Variants in OR56A3 observed in about 807,000 individuals in gnomAD.
The protein encoded by OR56A3 is olfactory receptor 56A3.
OR56A3 carries 23 observed loss-of-function variants against 17.5 expected under a neutral mutation model. The ratio of observed to expected loss-of-function variants is 1.32; its 90% CI spans 0.95 to 1.87. The LOEUF is 1.87. OR56A3 is among the 40% of genes most tolerant of loss of function. OR56A3 has a pLI of 0.00. For synonymous variants in OR56A3, 175 were observed against 150.6 expected, an observed-to-expected ratio of 1.16 and a Z score of -1.19; for missense variants, 366 against 380.1, an observed-to-expected ratio of 0.96 and a Z score of 0.31.
the OR56A3 span, among the ~76,000 whole-genome samples, chr11:5,988,925 C>G: frequency 6.6e-5 from 10 of 152,102 alleles, no homozygotes; most frequent in African/African-American, 2.2e-4. Context: ...TGCACATGTG[C>G]GTGTAAAGAT....
downstream of OR56A3, among the ~76,000 whole-genome samples, chr11:5,955,250 A>G (rs1016762263): frequency 1.3e-5 from 2 of 152,232 alleles, no homozygotes; most frequent in Non-Finnish European, 2.9e-5. Context: ...AAAAAGATTA[A>G]AATCAAGACT....
downstream of OR56A3, among the ~76,000 whole-genome samples, chr11:5,953,405 A>G (rs1471681022): frequency 2.0e-5 from 3 of 152,090 alleles, no homozygotes; most frequent in African/African-American, 7.2e-5. Flanking sequence ...ATGATTACTG[A>G]TGTTGAGCAT....
chr11:5,956,378 T>C, the OR56A3 span, among the ~76,000 whole-genome samples: 15 of 152,242 alleles, frequency 9.9e-5, no homozygotes, highest in East Asian at 2.7e-3. Context: ...TCTCTAGGTG[T>C]AGATCTGAGC....
the OR56A3 span, among the ~76,000 whole-genome samples, chr11:5,998,562 A>G: frequency 6.6e-6 from 1 of 152,318 alleles, no homozygotes; most frequent in East Asian, 1.9e-4. Context: ...GTAATAACCG[A>G]CCAGTTTTTC....
chr11:5,996,551 T>G, the OR56A3 span, among the ~76,000 whole-genome samples: 2 of 151,162 alleles, frequency 1.3e-5, no homozygotes, highest in South Asian at 2.1e-4. Context: ...AGTAAAGAAC[T>G]CCAAAATTTC....
At chr11:5,985,703 G>A in the OR56A3 span, among the ~76,000 whole-genome samples, 1,258 of 152,316 alleles carry the variant, frequency 8.3e-3, 10 homozygotes, top group African/African-American at 0.029. Flanking sequence ...ACAAGGAGTA[G>A]AGAAATGTTG....
At chr11:6,015,196 A>G in the OR56A3 span, among the ~76,000 whole-genome samples, 84 of 152,180 alleles carry the variant, frequency 5.5e-4, no homozygotes, top group African/African-American at 2.0e-3. Flanking sequence ...TGGGGAAAAA[A>G]AATCTCAAAG....
the OR56A3 span, among the ~76,000 whole-genome samples, chr11:5,972,323 C>T: frequency 3.3e-5 from 5 of 152,262 alleles, no homozygotes; most frequent in South Asian, 4.1e-4. Flanking sequence ...TTCATGCATT[C>T]GGTATCAGAG....
At chr11:6,002,090 C>G in the OR56A3 span, 10 of 1,603,988 alleles carry the variant, frequency 6.2e-6, no homozygotes, top group African/African-American at 6.7e-5. Context: ...CCTGCTTGAT[C>G]TCCTTGGTTC....
At chr11:5,942,902 A>G (rs1275019179) in intron 1 of OR56A3, among the ~76,000 whole-genome samples, 1 of 152,212 alleles carries the variant, frequency 6.6e-6, no homozygotes, top group Non-Finnish European at 1.5e-5. Context: ...CTTTGGCACT[A>G]TTCTGTGGGC....
the OR56A3 span, among the ~76,000 whole-genome samples, chr11:5,957,152 A>AAAAT: frequency 5.3e-5 from 8 of 151,794 alleles, no homozygotes; most frequent in East Asian, 2.0e-4. Context: ...CTGCATCTCA[A>AAAAT]AAATAAATAA....
downstream of OR56A3, chr11:5,951,357 T>C (rs1178518521): frequency 6.6e-6 from 1 of 152,138 alleles, no homozygotes; most frequent in Non-Finnish European, 1.5e-5. Flanking sequence ...TACACACACA[T>C]AGATCTGAGT....
the OR56A3 span, among the ~76,000 whole-genome samples, chr11:6,014,254 C>G: frequency 2.0e-5 from 3 of 152,306 alleles, no homozygotes; most frequent in South Asian, 6.2e-4. Flanking sequence ...TAGTTTGGAT[C>G]TGTGTCCCCA....
chr11:6,003,686 C>A, the OR56A3 span, among the ~76,000 whole-genome samples: 1 of 152,120 alleles, frequency 6.6e-6, no homozygotes, highest in Non-Finnish European at 1.5e-5. Flanking sequence ...CAGACAGTGG[C>A]CCCCACCTGA....
chr11:5,986,639 T>C, the OR56A3 span: 4 of 1,613,894 alleles, frequency 2.5e-6, no homozygotes, highest in Non-Finnish European at 3.4e-6. Context: ...GCAAGGGCTT[T>C]GGGTGCAGTG....
At chr11:5,943,616 T>TA (rs1337173788) in intron 1 of OR56A3, 3 of 151,876 alleles carry the variant, frequency 2.0e-5, no homozygotes, top group African/African-American at 7.3e-5. Context: ...AAAAGGCTCC[T>TA]AGAACAGATA....
At chr11:5,947,239 C>A (rs1225023501) in intron 2 of OR56A3, 72 bp from the exon 3 acceptor site, 39 of 1,046,168 alleles carry the variant, frequency 3.7e-5, no homozygotes, top group Non-Finnish European at 4.8e-5. Context: ...ACAAGTTGTA[C>A]CTATGACAAA....
the OR56A3 span, among the ~76,000 whole-genome samples, chr11:6,014,989 CAAAAAAAAAAAAA>C: frequency 1.7e-4 from 6 of 35,200 alleles, 1 homozygote; most frequent in African/African-American, 4.3e-4. Flanking sequence ...TATTCATGGG[CAAAAAAAAAAAAA>C]AAAAAAAAAA....
chr11:5,987,169 TCTA>T, the OR56A3 span, among the ~76,000 whole-genome samples: 1 of 152,232 alleles, frequency 6.6e-6, no homozygotes, highest in South Asian at 2.1e-4. Context: ...ATGCTTAAAC[TCTA>T]CTATTCAGTT....
Sources: gnomAD v4.1 joint callset for allele counts (sites outside exome capture counted in the v4.1 genomes callset) on GRCh38, gnomAD v4.1.1 for gene constraint, MANE v1.5 for transcripts, NCBI Gene and HGNC (gene_info 2026-07-23, HGNC 2026-07-21) for gene names.